ZNF26: variants seen among roughly 807,000 people sequenced by gnomAD.
The protein encoded by ZNF26 is zinc finger protein 26.
In ZNF26, 32 loss-of-function variants were observed where a neutral mutation model predicts 54.9. The ratio of observed to expected loss-of-function variants is 0.58; its 90% CI spans 0.44 to 0.78. The LOEUF (loss-of-function observed/expected upper bound fraction) is 0.78, where lower values mean the gene tolerates loss of function less well. Among genes scored for constraint, ZNF26 ranks in the 30% least tolerant of loss-of-function variants. The pLI is 0.00. For missense variants in ZNF26, 524 were observed against 634.0 expected (o/e 0.83, Z 1.86); for synonymous variants, 221 against 209.2 (o/e 1.06, Z -0.49).
intron 1 of ZNF26, among the ~76,000 whole-genome samples, chr12:132,997,495 ATGAGCTTCCAAGATGGAGTTGCTT>A (rs1366975477): frequency 6.6e-6 from 1 of 152,210 alleles, no homozygotes; most frequent in Non-Finnish European, 1.5e-5. Flanking sequence ...CACATGGTCG[ATGAGCTTCCAAGATGGAGTTGCTT>A]TGGCCTTCAC....
At position 133,001,756 on chromosome 12, in the gene ZNF26, T is replaced by C; in HGVS notation, c.34-5286T>C. 7.9e-7 allele frequency: 1 copy of C among 1,263,622 alleles called. No homozygotes were observed. Among genetic ancestry groups the C allele is most frequent in the Non-Finnish European group, 1.0e-6 (1 of 965,828 alleles). The allele number at this position is 1,263,622 out of a possible 1,614,324, so 78.3% of individuals were successfully genotyped here. A position where few individuals can be genotyped will look rare whatever the true frequency, so the allele number is the denominator to read the frequency against. ...GGTGAGCCGCAGGGAGGCGGGGCCC[T>C]GTTTGAGGTGAGCTGCTGAACCCTC... On this transcript the variant is annotated intron_variant, in intron 1 of 3. Coordinates refer to ENST00000328654, the MANE Select transcript of ZNF26 (RefSeq NM_019591.4). The surrounding 1 kb of genome is among the most constrained non-coding windows in gnomAD (Gnocchi z 4.7).
chr12:133,001,753 C>G lies in ZNF26; in HGVS notation c.34-5289C>G. The G allele has an allele frequency of 7.8e-7, 1 of 1,278,244 alleles. No individual in the cohort carries two copies. The highest frequency in any genetic ancestry group is 1.0e-6 in the Non-Finnish European group (1 of 979,096). The allele number at this position is 1,278,244 out of a possible 1,614,324, so 79.2% of individuals were successfully genotyped here. A position where few individuals can be genotyped will look rare whatever the true frequency, so the allele number is the denominator to read the frequency against. The stretch of plus-strand genomic sequence containing the variant: ...TGAGGTGAGCCGCAGGGAGGCGGGG[C>G]CCTGTTTGAGGTGAGCTGCTGAACC... On this transcript the variant is annotated intron_variant, in intron 1 of 3. Coordinates refer to ENST00000328654, the MANE Select transcript of ZNF26 (RefSeq NM_019591.4). The surrounding 1 kb of genome is among the most constrained non-coding windows in gnomAD (Gnocchi z 4.7).
intron 1 of ZNF26, among the ~76,000 whole-genome samples, chr12:132,991,430 A>C (rs1952952428): frequency 1.3e-5 from 2 of 151,712 alleles, no homozygotes; most frequent in Non-Finnish European, 1.5e-5. Context: ...CTCAGGAAGC[A>C]GAGGTTGCAG....
Position 133,010,846 on chromosome 12 carries a change from T to G in ZNF26, c.967T>G (p.Phe323Val). 1 of 1,614,094 alleles carries G rather than the reference T, an allele frequency of 6.2e-7. No individual in the cohort carries two copies. Among genetic ancestry groups the G allele is most frequent in the South Asian group, 1.1e-5 (1 of 91,088 alleles). ...PHKCSECGKA[F>V]RSKSYLLVHI... ...TAAATGCAGTGAATGTGGGAAAGCCTTTAGGAGTAAGTCCTATCTCCTTGT... is the reference window on the plus strand; with the variant it reads ...TAAATGCAGTGAATGTGGGAAAGCCGTTAGGAGTAAGTCCTATCTCCTTGT... The change falls in exon 4 of 4, where the codon TTT (phenylalanine) becomes GTT (valine). Residue 323 changes from phenylalanine to valine, a missense_variant. Phe to Val is a conservative substitution (Grantham distance 50). Transcript: ENST00000328654.
intron 1 of ZNF26, among the ~76,000 whole-genome samples, chr12:132,988,977 T>C (rs2137205783): frequency 6.6e-6 from 1 of 152,110 alleles, no homozygotes; most frequent in Non-Finnish European, 1.5e-5. Flanking sequence ...ATATTAACTT[T>C]GTATCCTGCA....
chr12:133,008,079 G>C (rs1043668065), intron 3 of ZNF26, among the ~76,000 whole-genome samples: 14 of 152,006 alleles, frequency 9.2e-5, no homozygotes, highest in Non-Finnish European at 1.5e-4. Flanking sequence ...CTGTCGAAAG[G>C]CTCTTCCGTT....
Position 133,021,856 on chromosome 12 carries a change from A to T in ZNF26, c.*10375A>T, listed in dbSNP as rs1953647454. 6.6e-6 allele frequency: 1 copy of T among 152,192 alleles called. No individual in the cohort carries two copies. Among genetic ancestry groups the T allele is most frequent in the Non-Finnish European group, 1.5e-5 (1 of 68,040 alleles). 9.4% of individuals were successfully genotyped at this position (152,192 alleles called of 1,614,324 possible). A position where few individuals can be genotyped will look rare whatever the true frequency, so the allele number is the denominator to read the frequency against. On this transcript the variant is annotated 3_prime_UTR_variant, in exon 4 of 4. Transcript: ENST00000328654. ...ATTGGTAAAGAATATTTACAAATTC[A>T]TTATCATTGTGTAAATTCTATATTA... is the stretch of plus-strand genomic sequence containing the variant.
rs1953558123 is a variant in ZNF26, at chr12:133,015,782, T to C, written c.*4301T>C. On this transcript the variant is annotated 3_prime_UTR_variant, in exon 4 of 4. Transcript: ENST00000328654. ...AGTTCCCAAAGAGGAAAGTCCAGTC[T>C]GAGATCAGGCTGGAGGCCAAAAGGA... 6.6e-6 allele frequency: 1 copy of C among 152,240 alleles called. No homozygotes were observed. Among genetic ancestry groups the C allele is most frequent in the Non-Finnish European group, 1.5e-5 (1 of 68,042 alleles). The allele number at this position is 152,240 out of a possible 1,614,324, so 9.4% of individuals were successfully genotyped here.
At chr12:133,009,070 A>G (rs1041996126) in intron 3 of ZNF26, among the ~76,000 whole-genome samples, 14 of 152,184 alleles carry the variant, frequency 9.2e-5, no homozygotes, top group Non-Finnish European at 1.6e-4. Flanking sequence ...CCCATAATCC[A>G]GATGCAGGCA....
rs114717530 is a variant in ZNF26, at chr12:133,007,249, T to G, written c.160+81T>G. ...TTTTTGTTGTTGAACTACTCCGGGA[T>G]CTCTGAAGTGCTTAATGATTATGAA... On this transcript the variant is annotated intron_variant, in intron 2 of 3. Coordinates refer to ENST00000328654, the MANE Select transcript of ZNF26 (RefSeq NM_019591.4). 7,690 of 1,525,836 alleles carry G rather than the reference T, an allele frequency of 5.0e-3. 290 individuals are homozygous for G. The African/African-American group carries it at 0.087, about 17-fold the overall frequency. The allele number at this position is 1,525,836 out of a possible 1,614,324, so 94.5% of individuals were successfully genotyped here.
At position 133,012,222 on chromosome 12, in the gene ZNF26, A is replaced by G. The variant is rs1953491977; in HGVS notation, c.*741A>G. ...TTTTGCAGTTCCATGCCTGTTGTCC[A>G]TTGATTGACATGAGCACCCCTGTTT... On this transcript the variant is annotated 3_prime_UTR_variant, in exon 4 of 4. Coordinates refer to ENST00000328654, the MANE Select transcript of ZNF26 (RefSeq NM_019591.4). 6.6e-6 allele frequency: 1 copy of G among 152,158 alleles called. No individual in the cohort carries two copies. The highest frequency in any genetic ancestry group is 2.4e-5 in the African/African-American group (1 of 41,432). The allele number at this position is 152,158 out of a possible 1,614,324, so 9.4% of individuals were successfully genotyped here. A position where few individuals can be genotyped will look rare whatever the true frequency, so the allele number is the denominator to read the frequency against.
intron 1 of ZNF26, among the ~76,000 whole-genome samples, chr12:133,002,593 C>T (rs1953242530): frequency 6.6e-6 from 1 of 151,756 alleles, no homozygotes; most frequent in African/African-American, 2.4e-5. Context: ...TCTCATGACT[C>T]TGTCCCTTAC....
At chr12:133,004,120 T>A (rs984801365) in intron 1 of ZNF26, among the ~76,000 whole-genome samples, 18 of 152,336 alleles carry the variant, frequency 1.2e-4, no homozygotes, top group Middle Eastern at 6.8e-3. Flanking sequence ...CATGAATGTG[T>A]TCTTTCTCAG....
intron 1 of ZNF26, chr12:133,004,953 AG>A (rs1157256598): frequency 1.1e-4 from 17 of 152,158 alleles, no homozygotes; most frequent in Middle Eastern, 3.4e-3. Flanking sequence ...GTTGGTTATC[AG>A]GTGTTCTCTT....
chr12:132,990,871 A>C (rs1044491665), intron 1 of ZNF26, among the ~76,000 whole-genome samples: 24 of 151,054 alleles, frequency 1.6e-4, no homozygotes, highest in Admixed American at 6.6e-4. Flanking sequence ...TTTTCTTTTT[A>C]TTTTTTTGAT....
intron 1 of ZNF26, among the ~76,000 whole-genome samples, chr12:132,994,907 C>T (rs1180644793): frequency 6.6e-6 from 1 of 152,072 alleles, no homozygotes; most frequent in Non-Finnish European, 1.5e-5. Context: ...CTGGCCCCGA[C>T]TTATGTAGGT....
chr12:133,012,477 T>A lies in ZNF26; in HGVS notation c.*996T>A, dbSNP rs1312377386. 6.6e-6 allele frequency: 1 copy of A among 151,968 alleles called. No homozygotes were observed. The highest frequency in any genetic ancestry group is 6.6e-5 in the Admixed American group (1 of 15,232). 9.4% of individuals were successfully genotyped at this position (151,968 alleles called of 1,614,324 possible). ...CATCCATTCATTCTGGCTAATTGATTACAAGAATAACTGTGGATACGATCC... is the reference window on the plus strand; with the variant it reads ...CATCCATTCATTCTGGCTAATTGATAACAAGAATAACTGTGGATACGATCC... On this transcript the variant is annotated 3_prime_UTR_variant, in exon 4 of 4. Transcript: ENST00000328654.
rs1399619356 is a variant in ZNF26, at chr12:133,025,919, G to A, written c.*14438G>A. The A allele has an allele frequency of 6.6e-6, 1 of 152,240 alleles. No individual in the cohort carries two copies. The highest frequency in any genetic ancestry group is 1.5e-5 in the Non-Finnish European group (1 of 68,126). The allele number at this position is 152,240 out of a possible 1,614,324, so 9.4% of individuals were successfully genotyped here. On this transcript the variant is annotated 3_prime_UTR_variant, in exon 4 of 4. Coordinates refer to ENST00000328654, the MANE Select transcript of ZNF26 (RefSeq NM_019591.4). ...CAGCAGCCATATAAGCAGTCCAATGGCCCTGAGCTGCCCTGCAGTAAGAAA... is the reference window on the plus strand; with the variant it reads ...CAGCAGCCATATAAGCAGTCCAATGACCCTGAGCTGCCCTGCAGTAAGAAA...
Position 133,018,896 on chromosome 12 carries a change from A to G in ZNF26, c.*7415A>G, listed in dbSNP as rs1953601808. ...GCATGAGCCAGCGCACCTGGCCAGTAATAACATTAAATGTGAATAGATTAA... is the reference window on the plus strand; with the variant it reads ...GCATGAGCCAGCGCACCTGGCCAGTGATAACATTAAATGTGAATAGATTAA... On this transcript the variant is annotated 3_prime_UTR_variant, in exon 4 of 4. Transcript: ENST00000328654. The G allele has an allele frequency of 6.6e-6, 1 of 152,192 alleles. No individual in the cohort carries two copies. Among genetic ancestry groups the G allele is most frequent in the African/African-American group, 2.4e-5 (1 of 41,450 alleles). The allele number at this position is 152,192 out of a possible 1,614,324, so 9.4% of individuals were successfully genotyped here.
Sources: allele counts gnomAD v4.1 joint callset (sites outside exome capture counted in the v4.1 genomes callset), GRCh38; gene constraint gnomAD v4.1.1; non-coding constraint Gnocchi (gnomAD v3.1); transcripts MANE v1.5; gene names NCBI Gene and HGNC (gene_info 2026-07-23, HGNC 2026-07-21).